Variants in MSI2 observed in about 807,000 individuals in gnomAD.
The protein encoded by MSI2 is musashi RNA binding protein 2, also known as RNA-binding protein Musashi homolog 2.
Under a neutral mutation model 45.6 loss-of-function variants are expected in MSI2, and 17 were observed. That is an observed-to-expected ratio of 0.37 (90% CI 0.26 to 0.56). The LOEUF is 0.56. MSI2 is among the 20% of genes least tolerant of loss of function. The pLI, the probability that MSI2 is intolerant of heterozygous loss-of-function variation, is 0.77. For missense variants in MSI2, 293 were observed against 444.2 expected, an observed-to-expected ratio of 0.66 and a Z score of 3.06; for synonymous variants, 156 against 158.2, an observed-to-expected ratio of 0.99 and a Z score of 0.11.
At chr17:57,503,933 T>C (rs2086170978) in intron 6 of MSI2, among the ~76,000 whole-genome samples, 1 of 152,042 alleles carries the variant, frequency 6.6e-6, no homozygotes, top group African/African-American at 2.4e-5. Flanking sequence ...TAAGTAGAGA[T>C]GCATGTTGGT....
chr17:57,467,660 G>C (rs1448129038), intron 6 of MSI2, among the ~76,000 whole-genome samples: 1 of 152,164 alleles, frequency 6.6e-6, no homozygotes, highest in Non-Finnish European at 1.5e-5. Context: ...TATCCAACCA[G>C]AGGGCATTCC....
chr17:57,692,482 C>A, the MSI2 span, among the ~76,000 whole-genome samples: 1 of 151,994 alleles, frequency 6.6e-6, no homozygotes, highest in South Asian at 2.1e-4. Context: ...AAGGGGAAGA[C>A]CCTTTCATAT....
intron 5 of MSI2, among the ~76,000 whole-genome samples, chr17:57,324,393 C>T (rs541535856): frequency 6.6e-5 from 10 of 152,288 alleles, no homozygotes; most frequent in African/African-American, 1.7e-4. Context: ...ATATACTCCC[C>T]GGTCAGTCAC....
chr17:57,639,690 G>A (rs1285642184), intron 10 of MSI2, among the ~76,000 whole-genome samples: 1 of 152,192 alleles, frequency 6.6e-6, no homozygotes, highest in Non-Finnish European at 1.5e-5. Context: ...GCAGATGCTT[G>A]GCTGCCCCCA....
intron 5 of MSI2, among the ~76,000 whole-genome samples, chr17:57,295,678 A>AG (rs1324661134): frequency 6.6e-6 from 1 of 152,076 alleles, no homozygotes; most frequent in African/African-American, 2.4e-5. Context: ...TGAATCACTG[A>AG]GGGGCTTGGA....
chr17:57,660,109 C>T (rs1402639461), intron 11 of MSI2, among the ~76,000 whole-genome samples: 1 of 152,152 alleles, frequency 6.6e-6, no homozygotes, highest in South Asian at 2.1e-4. Flanking sequence ...GGGCTTCGTG[C>T]CTGGCTTGTT....
At chr17:57,498,012 T>C (rs1567859816) in intron 6 of MSI2, among the ~76,000 whole-genome samples, 2 of 152,212 alleles carry the variant, frequency 1.3e-5, no homozygotes, top group African/African-American at 4.8e-5. Flanking sequence ...TGGGATTTTC[T>C]TCACATCTCC....
intron 6 of MSI2, among the ~76,000 whole-genome samples, chr17:57,484,514 A>G (rs1260187770): frequency 6.6e-6 from 1 of 152,248 alleles, no homozygotes. Flanking sequence ...AGTAGTTACC[A>G]CAGCCTTCTT....
chr17:57,518,901 G>A (rs1017988057), intron 6 of MSI2, among the ~76,000 whole-genome samples: 4 of 152,220 alleles, frequency 2.6e-5, no homozygotes, highest in Non-Finnish European at 2.9e-5. Context: ...CAAGCCTGCC[G>A]GATCCAACTG....
chr17:57,403,226 A>C (rs2084024831), intron 6 of MSI2, among the ~76,000 whole-genome samples: 1 of 152,126 alleles, frequency 6.6e-6, no homozygotes, highest in African/African-American at 2.4e-5. Flanking sequence ...TCTACTTGCC[A>C]ACACATAGCA....
chr17:57,487,658 C>G (rs987896182), intron 6 of MSI2, among the ~76,000 whole-genome samples: 2 of 151,982 alleles, frequency 1.3e-5, no homozygotes, highest in African/African-American at 4.8e-5. Context: ...ATGAGGTCCT[C>G]CCAGGTGCAG....
chr17:57,633,264 C>A, intron 10 of MSI2: 6 of 813,396 alleles, frequency 7.4e-6, no homozygotes, highest in Non-Finnish European at 7.5e-6. Flanking sequence ...ATAACCAGCA[C>A]CGATGACAGC....
In MSI2 at chr17:57,256,583, C is replaced by T. The variant is rs1355895607; in HGVS notation, c.-160C>T. ...CGTGTGACGGCTCTCGCCGCTGCCC[C>T]GGCTCCGCCGCTCGCAGAGAGATTC... is the stretch of plus-strand genomic sequence containing the variant. On this transcript the variant is annotated 5_prime_UTR_variant, in exon 1 of 14. Coordinates refer to ENST00000284073, the MANE Select transcript of MSI2 (RefSeq NM_138962.4). 2.9e-5 allele frequency: 11 copies of T among 385,958 alleles called. No homozygotes were observed. The highest frequency in any genetic ancestry group is 8.0e-5 in the South Asian group (1 of 12,470). 23.9% of individuals were successfully genotyped at this position (385,958 alleles called of 1,614,324 possible). A position where few individuals can be genotyped will look rare whatever the true frequency, so the allele number is the denominator to read the frequency against.
chr17:57,542,158 C>G (rs2087063299), intron 7 of MSI2, among the ~76,000 whole-genome samples: 1 of 152,152 alleles, frequency 6.6e-6, no homozygotes, highest in Non-Finnish European at 1.5e-5. Context: ...CACTTGCCAC[C>G]CCGCTGCTGG....
intron 6 of MSI2, among the ~76,000 whole-genome samples, chr17:57,443,171 G>T (rs1163020373): frequency 6.6e-6 from 1 of 152,132 alleles, no homozygotes; most frequent in Admixed American, 6.5e-5. Flanking sequence ...GGGCCTTTTG[G>T]CTTCAGGTGA....
chr17:57,638,569 G>A (rs1910009790), intron 10 of MSI2, among the ~76,000 whole-genome samples: 2 of 152,114 alleles, frequency 1.3e-5, no homozygotes, highest in South Asian at 2.1e-4. Context: ...GACCGTAATA[G>A]AACACCATAG....
At chr17:57,584,103 C>G (rs2088279642) in intron 7 of MSI2, among the ~76,000 whole-genome samples, 1 of 152,162 alleles carries the variant, frequency 6.6e-6, no homozygotes, top group South Asian at 2.1e-4. Flanking sequence ...GAGCTCCAGA[C>G]TGTGCTGCCC....
Position 57,559,522 on chromosome 17 carries a change from C to T in MSI2, c.454+29798C>T, listed in dbSNP as rs139709125. Among the ~76,000 whole-genome samples, 284 of 152,286 alleles carry T rather than the reference C, an allele frequency of 1.9e-3. 4 individuals are homozygous for T. The highest frequency in any genetic ancestry group is 0.016 in the Admixed American group (252 of 15,306). ...AGCAGAGTGACTTTGGCTCCTGCAT[C>T]GAGTGCTTGTCTCAGCCCCATCCAT... On this transcript the variant is annotated intron_variant, in intron 7 of 13. Transcript: ENST00000284073.
chr17:57,296,477 T>G (rs1479549489), intron 5 of MSI2, among the ~76,000 whole-genome samples: 1 of 152,196 alleles, frequency 6.6e-6, no homozygotes, highest in African/African-American at 2.4e-5. Context: ...TCAAATTCTG[T>G]TCCCTTTGGA....
Sources: allele counts gnomAD v4.1 joint callset (sites outside exome capture counted in the v4.1 genomes callset), GRCh38; gene constraint gnomAD v4.1.1; transcripts MANE v1.5; gene names NCBI Gene and HGNC (gene_info 2026-07-23, HGNC 2026-07-21).